The following MND1 variants were observed in gnomAD, a reference collection of about 807,000 sequenced individuals.
The protein encoded by MND1 is meiotic nuclear division protein 1 homolog.
In MND1, 28 loss-of-function variants were observed where a neutral mutation model predicts 35.1. That is an observed-to-expected ratio of 0.80 (90% CI 0.59 to 1.09). The LOEUF is 1.09. MND1 is among the 50% of genes least tolerant of loss of function. The pLI is 0.00. For missense variants in MND1, 213 were observed against 239.6 expected, an observed-to-expected ratio of 0.89 and a Z score of 0.73; for synonymous variants, 69 against 70.5, an observed-to-expected ratio of 0.98 and a Z score of 0.11.
chr4:153,395,744 G>C (rs889865992), intron 5 of MND1, among the ~76,000 whole-genome samples: 3 of 152,168 alleles, frequency 2.0e-5, no homozygotes, highest in Non-Finnish European at 4.4e-5. Flanking sequence ...GCACAAAGAG[G>C]CTAAATACTT....
intron 4 of MND1, among the ~76,000 whole-genome samples, chr4:153,359,777 ATC>A (rs1773434326): frequency 1.7e-5 from 2 of 118,068 alleles, no homozygotes; most frequent in African/African-American, 3.1e-5. Context: ...GATTTGGAAG[ATC>A]TTTTTTTTTT....
intron 5 of MND1, among the ~76,000 whole-genome samples, chr4:153,394,858 T>C (rs1026270021): frequency 6.6e-6 from 1 of 152,204 alleles, no homozygotes; most frequent in African/African-American, 2.4e-5. Context: ...ATTTTATTTT[T>C]TAAAGTACAA....
chr4:153,393,232 T>C (rs1729094955), intron 4 of MND1, among the ~76,000 whole-genome samples: 1 of 152,212 alleles, frequency 6.6e-6, no homozygotes, highest in African/African-American at 2.4e-5. Context: ...TAAAGTACTT[T>C]AATAAGTGAC....
Position 153,409,370 on chromosome 4 carries a change from C to CTAATAATAATAATAATAATAATAA in MND1, c.511+375_511+376insATAATAATAATAATAATAATAATA, listed in dbSNP as rs58903970. On this transcript the variant is annotated intron_variant, in intron 7 of 7. Coordinates refer to ENST00000240488, the MANE Select transcript of MND1 (RefSeq NM_032117.4). Reference sequence around the variant, plus strand: ...GAAATCTTAAAGATTTATCATCTTGCTAATAATAATAATAATAATAGCTAA... The same window carrying CTAATAATAATAATAATAATAATAA: ...GAAATCTTAAAGATTTATCATCTTGCTAATAATAATAATAATAATAATAATAATAATAATAATAATAATAGCTAA... 4.4e-3 allele frequency among the ~76,000 whole-genome samples: 663 copies of CTAATAATAATAATAATAATAATAA among 149,426 alleles called. 5 individuals are homozygous for CTAATAATAATAATAATAATAATAA. Among genetic ancestry groups the CTAATAATAATAATAATAATAATAA allele is most frequent in the African/African-American group, 0.011 (458 of 40,602 alleles).
intron 6 of MND1, among the ~76,000 whole-genome samples, chr4:153,406,204 T>TA (rs1383387997): frequency 1.3e-5 from 2 of 151,968 alleles, no homozygotes; most frequent in East Asian, 1.9e-4. Flanking sequence ...TCATCAAAGT[T>TA]AAAAAGTTTT....
At chr4:153,364,254 A>C (rs780372753) in intron 4 of MND1, among the ~76,000 whole-genome samples, 4 of 151,562 alleles carry the variant, frequency 2.6e-5, no homozygotes, top group Non-Finnish European at 4.4e-5. Flanking sequence ...TGTGGTGTGC[A>C]TCTGTGGTCT....
At chr4:153,353,404 C>CATATAT (rs58280101) in intron 2 of MND1, among the ~76,000 whole-genome samples, 1,361 of 81,600 alleles carry the variant, frequency 0.017, 31 homozygotes, top group Non-Finnish European at 0.022. Flanking sequence ...GACTTTATCA[C>CATATAT]ATATATATAT....
At chr4:153,411,210 T>G (rs1729672322) in intron 7 of MND1, among the ~76,000 whole-genome samples, 1 of 152,086 alleles carries the variant, frequency 6.6e-6, no homozygotes, top group African/African-American at 2.4e-5. Context: ...TGTAAACACA[T>G]ATGAGAGGAA....
intron 4 of MND1, among the ~76,000 whole-genome samples, chr4:153,369,815 C>T (rs184744207): frequency 5.4e-4 from 82 of 152,126 alleles, no homozygotes; most frequent in Admixed American, 2.3e-3. Flanking sequence ...AGCATTTTAC[C>T]CACAACAGAA....
At chr4:153,402,314 A>G (rs879476291) in intron 6 of MND1, among the ~76,000 whole-genome samples, 29 of 152,358 alleles carry the variant, frequency 1.9e-4, no homozygotes, top group Admixed American at 1.8e-3. Context: ...ACTTGAAAAT[A>G]TCTTAGAGGT....
At chr4:153,354,760 A>T (rs755455037) in intron 2 of MND1, among the ~76,000 whole-genome samples, 3 of 152,130 alleles carry the variant, frequency 2.0e-5, no homozygotes, top group African/African-American at 4.8e-5. Flanking sequence ...CAGTCCTCCC[A>T]AAGTGGTGGG....
chr4:153,404,637 G>T (rs553030750), intron 6 of MND1, among the ~76,000 whole-genome samples: 1 of 151,066 alleles, frequency 6.6e-6, no homozygotes, highest in African/African-American at 2.4e-5. Flanking sequence ...ACCACGCCTG[G>T]CTAATTTTTT....
intron 4 of MND1, chr4:153,361,751 TGG>T: frequency 6.1e-6 from 2 of 329,968 alleles, no homozygotes; most frequent in Non-Finnish European, 1.2e-5. Context: ...GGCAGGAGAA[TGG>T]CATGAACCCG....
intron 7 of MND1, 74 bp downstream of exon 7, chr4:153,409,089 C>G: frequency 1.2e-6 from 1 of 849,604 alleles, no homozygotes; most frequent in African/African-American, 1.8e-5. Flanking sequence ...AATTCAGATA[C>G]CTTGTGCTAG....
intron 4 of MND1, among the ~76,000 whole-genome samples, chr4:153,359,294 CT>C (rs1289831767): frequency 6.6e-6 from 1 of 152,180 alleles, no homozygotes; most frequent in East Asian, 1.9e-4. Flanking sequence ...AGTATGTAAC[CT>C]TTTCAGATTG....
chr4:153,393,795 T>A (rs1729114961), intron 4 of MND1, among the ~76,000 whole-genome samples: 1 of 151,854 alleles, frequency 6.6e-6, no homozygotes, highest in South Asian at 2.1e-4. Context: ...GTTTTATCTA[T>A]CTGCATGGAA....
In MND1 at chr4:153,391,463, C is replaced by T. The variant is rs147691832; in HGVS notation, c.277-2799C>T. Among the ~76,000 whole-genome samples the T allele has an allele frequency of 3.6e-3, 549 of 152,052 alleles. 3 individuals carry two copies. Among genetic ancestry groups the T allele is most frequent in the African/African-American group, 0.012 (518 of 41,448 alleles). On this transcript the variant is annotated intron_variant, in intron 4 of 7. Coordinates refer to ENST00000240488, the MANE Select transcript of MND1 (RefSeq NM_032117.4). The stretch of plus-strand genomic sequence containing the variant: ...GACTCCGGCCGGGTGTGGTGGCTTA[C>T]GCCTGTGATCCCAGCACTTTGGGAG...
intron 4 of MND1, among the ~76,000 whole-genome samples, chr4:153,381,132 C>T (rs1278257567): frequency 1.3e-5 from 2 of 152,096 alleles, no homozygotes; most frequent in African/African-American, 4.8e-5. Context: ...ATCTCCTGAC[C>T]TTGTGATCCG....
At chr4:153,344,668 C>G, upstream of MND1, 3 of 1,400,220 alleles carry the variant, frequency 2.1e-6, no homozygotes, top group Non-Finnish European at 2.9e-6. Context: ...CAAAATCAAA[C>G]GCGTCCTGGC....
Sources: gnomAD v4.1 joint callset for allele counts (sites outside exome capture counted in the v4.1 genomes callset) on GRCh38, gnomAD v4.1.1 for gene constraint, MANE v1.5 for transcripts, NCBI Gene and HGNC (gene_info 2026-07-23, HGNC 2026-07-21) for gene names.